Variants in STK38L observed in about 807,000 individuals in gnomAD.
STK38L encodes serine/threonine-protein kinase 38-like.
In STK38L, 28 loss-of-function variants were observed where a neutral mutation model predicts 59.7. The observed-to-expected ratio is 0.47, with a 90% CI of 0.35 to 0.64. The LOEUF (loss-of-function observed/expected upper bound fraction) is 0.64. Ranked by LOEUF, STK38L falls within the 30% of genes least tolerant of loss-of-function variation. The probability of loss-of-function intolerance (pLI) is 0.01; values close to 1 mark genes in which losing one functional copy is unlikely to be tolerated. For missense variants in STK38L, 314 were observed against 555.8 expected (o/e 0.56, Z 4.37); for synonymous variants, 162 against 176.8 (o/e 0.92, Z 0.66).
chr12:27,302,385 G>T (rs989126548), intron 3 of STK38L, 197 bp downstream of exon 3: 14 of 390,922 alleles, frequency 3.6e-5, no homozygotes, highest in Non-Finnish European at 6.4e-5. Flanking sequence ...CCAAGAACAC[G>T]TATTTAAGAG....
At chr12:27,262,233 A>T (rs553902917) in intron 1 of STK38L, among the ~76,000 whole-genome samples, 1 of 152,350 alleles carries the variant, frequency 6.6e-6, no homozygotes, top group Admixed American at 6.5e-5. Flanking sequence ...CCAGACAATA[A>T]TAATGCCATT....
intron 1 of STK38L, among the ~76,000 whole-genome samples, chr12:27,273,511 A>T (rs1188295549): frequency 6.6e-6 from 1 of 152,248 alleles, no homozygotes; most frequent in African/African-American, 2.4e-5. Context: ...GTGAGGATCA[A>T]AACCAAATGA....
In STK38L at chr12:27,315,220, G is replaced by A. The variant is rs541730208; in HGVS notation, c.776-69G>A. On this transcript the variant is annotated intron_variant, in intron 8 of 13. Transcript: ENST00000389032. ...CTCCTTAATCCACTGTGTTTTAGAT[G>A]TATATGTATTTTCTTTTTGTGGAGA... 9.2e-5 allele frequency: 145 copies of A among 1,576,726 alleles called. No homozygotes were observed. The South Asian group carries it at 1.5e-3, about 17-fold the overall frequency.
At chr12:27,251,732 A>G (rs1326172110) in intron 1 of STK38L, among the ~76,000 whole-genome samples, 4 of 152,236 alleles carry the variant, frequency 2.6e-5, no homozygotes, top group Non-Finnish European at 5.9e-5. Context: ...GGCATTTTCT[A>G]AAGTTTTAAG....
chr12:27,276,828 T>C (rs1272722573), intron 1 of STK38L, among the ~76,000 whole-genome samples: 3 of 152,190 alleles, frequency 2.0e-5, no homozygotes. Context: ...ACCAAGTCTC[T>C]CCCTGTTACC....
In STK38L at chr12:27,302,127, C is replaced by A; in HGVS notation, c.135-10C>A. On this transcript the variant is annotated splice_polypyrimidine_tract_variant and intron_variant, in intron 2 of 13. Coordinates refer to ENST00000389032, the MANE Select transcript of STK38L (RefSeq NM_015000.4). ...GTATTTAAAATTTAATTTTTTTTTC[C>A]TTTGAAAAGGCAGAAGAAATTAGAA... The A allele has an allele frequency of 6.3e-7, 1 of 1,587,278 alleles. No individual in the cohort carries two copies. The highest frequency in any genetic ancestry group is 1.2e-5 in the South Asian group (1 of 86,092).
chr12:27,273,796 G>A (rs1177584185), intron 1 of STK38L, among the ~76,000 whole-genome samples: 2 of 152,138 alleles, frequency 1.3e-5, no homozygotes, highest in African/African-American at 2.4e-5. Flanking sequence ...ACATTGTCTA[G>A]ATAATCTACC....
chr12:27,302,017 AG>A, intron 2 of STK38L, 119 bp from the exon 3 acceptor site: 2 of 678,040 alleles, frequency 2.9e-6, no homozygotes, highest in Non-Finnish European at 4.5e-6. Flanking sequence ...CCAACTTGAA[AG>A]TTTTTTTTTT....
intron 1 of STK38L, among the ~76,000 whole-genome samples, chr12:27,284,429 A>G (rs1014042842): frequency 9.9e-5 from 15 of 152,194 alleles, no homozygotes; most frequent in African/African-American, 3.6e-4. Context: ...GACAGATAAG[A>G]TGGTCTGTAT....
chr12:27,299,716 A>T (rs1377103994), intron 2 of STK38L, among the ~76,000 whole-genome samples: 1 of 152,136 alleles, frequency 6.6e-6, no homozygotes, highest in East Asian at 1.9e-4. Flanking sequence ...TTATGTTGTA[A>T]GTTCTAGAGT....
chr12:27,317,758 A>G, intron 10 of STK38L, 138 bp from the exon 11 acceptor site: 1 of 1,048,614 alleles, frequency 9.5e-7, no homozygotes, highest in Non-Finnish European at 1.4e-6. Flanking sequence ...ACGTGATTGT[A>G]AATTGATGAA....
In STK38L at chr12:27,297,864, G is replaced by A; in HGVS notation, c.134+10G>A. The A allele has an allele frequency of 6.2e-7, 1 of 1,612,392 alleles. No homozygotes were observed. The highest frequency in any genetic ancestry group is 8.5e-7 in the Non-Finnish European group (1 of 1,179,524). On this transcript the variant is annotated intron_variant, in intron 2 of 13. Transcript: ENST00000389032. Reference sequence around the variant, plus strand: ...AAGAGAGAGAAACCAGGTATAGTAAGGGCTAATCAAAACTTTTTTTAGTTA... The same window carrying A: ...AAGAGAGAGAAACCAGGTATAGTAAAGGCTAATCAAAACTTTTTTTAGTTA...
chr12:27,245,783 A>T (rs1456484715), intron 1 of STK38L: 1 of 152,100 alleles, frequency 6.6e-6, no homozygotes, highest in Non-Finnish European at 1.5e-5. Flanking sequence ...CATCTGAAAA[A>T]TCCTGATCTC....
rs1464931661 is a variant in STK38L at position 27,308,955 on chromosome 12, T to TATATAAAAATATATAG, written c.310-137_310-122dup. Among the ~76,000 whole-genome samples the TATATAAAAATATATAG allele has an allele frequency of 8.6e-6, 1 of 116,612 alleles. No homozygotes were observed. Among genetic ancestry groups the TATATAAAAATATATAG allele is most frequent in the Non-Finnish European group, 2.1e-5 (1 of 46,910 alleles). 76.5% of individuals were successfully genotyped at this position (116,612 alleles called of 152,430 possible). ...AATATATATAAATATATATATAACA[T>TATATAAAAATATATAG]ATATAAAAATATATAGATATAAAAA... On this transcript the variant is annotated intron_variant, in intron 4 of 13. Coordinates refer to ENST00000389032, the MANE Select transcript of STK38L (RefSeq NM_015000.4). The surrounding 1 kb of genome is among the most constrained non-coding windows in gnomAD (Gnocchi z 4.5).
At chr12:27,264,382 T>C (rs1298371093) in intron 1 of STK38L, among the ~76,000 whole-genome samples, 3 of 152,126 alleles carry the variant, frequency 2.0e-5, no homozygotes, top group African/African-American at 7.2e-5. Flanking sequence ...GAAAGAGATT[T>C]TGAAAGAGGT....
In STK38L at chr12:27,265,247, A is replaced by C. The variant is rs146472340; in HGVS notation, c.-12+20915A>C. The stretch of plus-strand genomic sequence containing the variant: ...TCCTTCCGCTTGTTTTCTTATGCAT[A>C]TAAAGGGATAGGAAATATGTATGTG... On this transcript the variant is annotated intron_variant, in intron 1 of 13. Coordinates refer to ENST00000389032, the MANE Select transcript of STK38L (RefSeq NM_015000.4). 6.0e-4 allele frequency among the ~76,000 whole-genome samples: 91 copies of C among 152,330 alleles called. 1 individual carries two copies. The East Asian group carries it at 0.016, about 27-fold the overall frequency.
intron 1 of STK38L, among the ~76,000 whole-genome samples, chr12:27,286,218 A>G (rs1179318879): frequency 1.3e-5 from 2 of 152,086 alleles, no homozygotes; most frequent in Non-Finnish European, 2.9e-5. Flanking sequence ...AACCACCTCT[A>G]AGTGCTGAAA....
intron 1 of STK38L, among the ~76,000 whole-genome samples, chr12:27,295,756 C>T (rs1944003422): frequency 6.6e-6 from 1 of 151,988 alleles, no homozygotes; most frequent in African/African-American, 2.4e-5. Context: ...GAACATGCAC[C>T]AAAAAAATGA....
chr12:27,287,101 CTT>C (rs201757206), intron 1 of STK38L, among the ~76,000 whole-genome samples: 21 of 139,510 alleles, frequency 1.5e-4, no homozygotes, highest in African/African-American at 2.9e-4. Context: ...TTTAGATACA[CTT>C]TTTTTTTTTT....
Sources: allele counts gnomAD v4.1 joint callset (sites outside exome capture counted in the v4.1 genomes callset), GRCh38; gene constraint gnomAD v4.1.1; non-coding constraint Gnocchi (gnomAD v3.1); transcripts MANE v1.5; gene names NCBI Gene and HGNC (gene_info 2026-07-23, HGNC 2026-07-21).